ABRACL: variants seen among roughly 807,000 people sequenced by gnomAD.
The protein encoded by ABRACL is ABRA C-terminal like, also known as costars family protein ABRACL.
A neutral mutation model predicts 7.0 loss-of-function variants in ABRACL; 4 were observed. The ratio of observed to expected loss-of-function variants is 0.57; its 90% CI spans 0.28 to 1.30. ABRACL has a LOEUF of 1.30. Ranked by LOEUF, ABRACL falls within the 50% of genes most tolerant of loss-of-function variation. The pLI, the probability that ABRACL is intolerant of heterozygous loss-of-function variation, is 0.10. For synonymous variants in ABRACL, 30 were observed against 36.0 expected, an observed-to-expected ratio of 0.83 and a Z score of 0.60; for missense variants, 104 against 97.3, an observed-to-expected ratio of 1.07 and a Z score of -0.29.
chr6:139,038,187 A>G (rs1436013751), intron 2 of ABRACL, among the ~76,000 whole-genome samples: 1 of 152,188 alleles, frequency 6.6e-6, no homozygotes, highest in Non-Finnish European at 1.5e-5. Context: ...GTCATATTCA[A>G]TTAGTTTTTA....
At chr6:139,032,054 G>A (rs906834438) in intron 1 of ABRACL, among the ~76,000 whole-genome samples, 4 of 151,816 alleles carry the variant, frequency 2.6e-5, no homozygotes, top group Admixed American at 6.6e-5. Context: ...TCCGCCTCCC[G>A]GGTTCACGCC....
intron 1 of ABRACL, among the ~76,000 whole-genome samples, chr6:139,031,192 A>T (rs1475769430): frequency 6.6e-6 from 1 of 152,208 alleles, no homozygotes; most frequent in Non-Finnish European, 1.5e-5. Flanking sequence ...TGTCCAGTAC[A>T]GGCTAATTTC....
intron 2 of ABRACL, among the ~76,000 whole-genome samples, chr6:139,034,919 C>A (rs1167702745): frequency 6.6e-6 from 1 of 152,130 alleles, no homozygotes; most frequent in Non-Finnish European, 1.5e-5. Context: ...TTTGGTACAT[C>A]TCAGATGAGA....
intron 2 of ABRACL, among the ~76,000 whole-genome samples, chr6:139,038,662 T>C (rs1786200431): frequency 6.6e-6 from 1 of 152,176 alleles, no homozygotes; most frequent in Non-Finnish European, 1.5e-5. Flanking sequence ...CCCTTTGTGC[T>C]CAAGTGCTGG....
At chr6:139,029,409 C>G (rs1786044171) in intron 1 of ABRACL, among the ~76,000 whole-genome samples, 1 of 151,848 alleles carries the variant, frequency 6.6e-6, no homozygotes, top group African/African-American at 2.4e-5. Context: ...TTTTCGTCGC[C>G]CGGGTTGGGT....
rs1251855212 is a variant in ABRACL at position 139,041,491 on chromosome 6, ATATGTGTG to A, written c.62-1226_62-1219del. Among the ~76,000 whole-genome samples the A allele has an allele frequency of 4.9e-3, 309 of 63,342 alleles. 2 individuals carry two copies. The highest frequency in any genetic ancestry group is 8.0e-3 in the Non-Finnish European group (252 of 31,358). The allele number at this position is 63,342 out of a possible 152,430, so 41.6% of individuals were successfully genotyped here. On this transcript the variant is annotated intron_variant, in intron 2 of 2. Transcript: ENST00000367660. Reference sequence around the variant, plus strand: ...TATATTTCTATATTTCTATATATATATATGTGTGTGTGTGTGTGTGTGTATATATATAT... The same window carrying A: ...TATATTTCTATATTTCTATATATATATGTGTGTGTGTGTGTATATATATAT...
At chr6:139,034,461 A>T in intron 2 of ABRACL, 1 of 1,440,182 alleles carries the variant, frequency 6.9e-7, no homozygotes, top group Non-Finnish European at 9.2e-7. Flanking sequence ...TTATTTTTCG[A>T]TAGAAAGCAA....
chr6:139,036,958 T>G (rs1426026419), intron 2 of ABRACL, among the ~76,000 whole-genome samples: 1 of 151,940 alleles, frequency 6.6e-6, no homozygotes, highest in African/African-American at 2.4e-5. Context: ...CACTCCACCC[T>G]GGGGGACAGA....
intron 1 of ABRACL, among the ~76,000 whole-genome samples, chr6:139,030,443 T>A (rs955442412): frequency 6.6e-6 from 1 of 152,226 alleles, no homozygotes; most frequent in African/African-American, 2.4e-5. Context: ...TTCTTCATCT[T>A]GCTCTCTGCA....
At chr6:139,031,584 G>A (rs866003547) in intron 1 of ABRACL, among the ~76,000 whole-genome samples, 2 of 152,186 alleles carry the variant, frequency 1.3e-5, no homozygotes, top group East Asian at 1.9e-4. Context: ...TTGTTATATG[G>A]CTGGACATTT....
At chr6:139,035,628 A>G (rs1582900020) in intron 2 of ABRACL, among the ~76,000 whole-genome samples, 1 of 151,762 alleles carries the variant, frequency 6.6e-6, no homozygotes, top group Non-Finnish European at 1.5e-5. Flanking sequence ...GATTATAGGC[A>G]CCTGCCACCA....
intron 1 of ABRACL, among the ~76,000 whole-genome samples, chr6:139,032,775 A>G (rs930521318): frequency 9.2e-5 from 14 of 152,224 alleles, no homozygotes; most frequent in Admixed American, 3.9e-4. Context: ...TCTTCTACCC[A>G]GTTGCTCATA....
chr6:139,042,767 A>G lies in ABRACL; in HGVS notation c.110A>G (p.Asp37Gly). The G allele has an allele frequency of 6.2e-7, 1 of 1,613,740 alleles. No homozygotes were observed. The highest frequency in any genetic ancestry group is 2.2e-5 in the East Asian group (1 of 44,864). ...SVKFGVLFRD[D>G]KCANLFEALV... is the part of the protein sequence containing the mutation. ...AAATTTGGGGTCCTCTTCCGTGATG[A>G]TAAATGTGCCAACCTCTTTGAAGCA... Residue 37 changes from aspartate (D) to glycine (G), a missense_variant, in exon 3 of 3, where the codon GAT becomes GGT. Asp to Gly is a moderately conservative substitution (Grantham distance 94). Transcript: ENST00000367660.
chr6:139,037,840 G>A (rs535868803), intron 2 of ABRACL, among the ~76,000 whole-genome samples: 11 of 148,746 alleles, frequency 7.4e-5, no homozygotes, highest in African/African-American at 1.5e-4. Context: ...ACAGTGGTGC[G>A]ATTTTGGCTC....
At chr6:139,041,532 T>TATA (rs375672404) in intron 2 of ABRACL, among the ~76,000 whole-genome samples, 89 of 7,638 alleles carry the variant, frequency 0.012, no homozygotes, top group South Asian at 0.018. Context: ...TATATATATA[T>TATA]TTTTTTTTAG....
chr6:139,043,151 C>G lies in ABRACL; in HGVS notation c.*248C>G. 1 of 310,678 alleles carries G rather than the reference C, an allele frequency of 3.2e-6. No homozygotes were observed. The highest frequency in any genetic ancestry group is 5.8e-6 in the Non-Finnish European group (1 of 171,978). 19.2% of individuals were successfully genotyped at this position (310,678 alleles called of 1,614,324 possible). A position where few individuals can be genotyped will look rare whatever the true frequency, so the allele number is the denominator to read the frequency against. On this transcript the variant is annotated 3_prime_UTR_variant, in exon 3 of 3. Transcript: ENST00000367660. Reference sequence around the variant, plus strand: ...GAATTGCAGGCAATGAGATTTTTTGCGGGGCAGGGATGGGAATGTTTGTTC... The same window carrying G: ...GAATTGCAGGCAATGAGATTTTTTGGGGGGCAGGGATGGGAATGTTTGTTC...
At position 139,041,529 on chromosome 6, in the gene ABRACL, A is replaced by ATTTTTTTTT. The variant is rs144355709; in HGVS notation, c.62-1189_62-1188insTTTTTTTTT. ...TGTGTGTGTGTATATATATATATAT[A>ATTTTTTTTT]TATTTTTTTTTAGGAGAGACATGGT... On this transcript the variant is annotated intron_variant, in intron 2 of 2. Coordinates refer to ENST00000367660, the MANE Select transcript of ABRACL (RefSeq NM_021243.3). 1.2e-3 allele frequency among the ~76,000 whole-genome samples: 99 copies of ATTTTTTTTT among 85,618 alleles called. 1 individual carries two copies. The highest frequency in any genetic ancestry group is 5.0e-3 in the Middle Eastern group (1 of 202). The allele number at this position is 85,618 out of a possible 152,430, so 56.2% of individuals were successfully genotyped here.
At chr6:139,038,065 C>T (rs766483402) in intron 2 of ABRACL, among the ~76,000 whole-genome samples, 1 of 152,212 alleles carries the variant, frequency 6.6e-6, no homozygotes, top group Non-Finnish European at 1.5e-5. Context: ...ACATGAGCTG[C>T]TGGGCCCAGC....
In ABRACL at chr6:139,034,207, G is replaced by A. The variant is rs766605464; in HGVS notation, c.47G>A (p.Arg16His). 2 of 1,614,170 alleles carry A rather than the reference G, an allele frequency of 1.2e-6. No homozygotes were observed. The highest frequency in any genetic ancestry group is 1.7e-6 in the Non-Finnish European group (2 of 1,180,022). Residue 16 changes from arginine (R) to histidine (H), a missense_variant, in exon 2 of 3, where the codon CGT becomes CAT. By Grantham distance (29) the Arg-to-His change is conservative. Transcript: ENST00000367660. Reference protein sequence around the residue: ...EVNLLVEEIHRLGSKNADGKL... With the variant: ...EVNLLVEEIHHLGSKNADGKL... ...AACCTCTTAGTGGAGGAAATTCATC[G>A]TTTGGGTTCAAAAAGTAAGTATCTG...
Sources: allele counts gnomAD v4.1 joint callset (sites outside exome capture counted in the v4.1 genomes callset), GRCh38; gene constraint gnomAD v4.1.1; transcripts MANE v1.5; gene names NCBI Gene and HGNC (gene_info 2026-07-23, HGNC 2026-07-21).